NLGN4Y: variants seen among roughly 807,000 people sequenced by gnomAD.
The protein encoded by NLGN4Y is neuroligin-4, Y-linked.
A neutral mutation model predicts 8.4 loss-of-function variants in NLGN4Y; 4 were observed. The observed-to-expected ratio is 0.48, with a 90% CI of 0.23 to 1.09. The LOEUF (loss-of-function observed/expected upper bound fraction) is 1.09, where lower values mean the gene tolerates loss of function less well. Among genes scored for constraint, NLGN4Y ranks in the 50% least tolerant of loss-of-function variants. The probability of loss-of-function intolerance (pLI) is 0.19; values close to 1 mark genes in which losing one functional copy is unlikely to be tolerated. For missense variants in NLGN4Y, 90 were observed against 192.3 expected, an observed-to-expected ratio of 0.47 and a Z score of 3.15; for synonymous variants, 35 against 75.6, an observed-to-expected ratio of 0.46 and a Z score of 2.78.
intron 2 of NLGN4Y, among the ~76,000 whole-genome samples, chrY:14,656,082 C>A (rs2080649975): frequency 3.0e-5 from 1 of 33,296 alleles, no homozygotes; most frequent in Admixed American, 2.7e-4. Flanking sequence ...AAACAACAAC[C>A]CAACCTTGGA....
chrY:14,830,833 A>G (rs1308732530), intron 6 of NLGN4Y, among the ~76,000 whole-genome samples: 1 of 33,364 alleles, frequency 3.0e-5, no homozygotes. Context: ...CACATATATA[A>G]TGGTTTTGTT....
At chrY:14,536,498 C>T (rs2080134868) in intron 1 of NLGN4Y, among the ~76,000 whole-genome samples, 2 of 32,323 alleles carry the variant, frequency 6.2e-5, no homozygotes, top group Admixed American at 2.8e-4. Flanking sequence ...CCGCCTGCCT[C>T]GGCCTCCCAA....
intron 2 of NLGN4Y, among the ~76,000 whole-genome samples, chrY:14,700,335 CTCT>C: frequency 3.0e-5 from 1 of 33,479 alleles, no homozygotes. Flanking sequence ...CTTTGCATTG[CTCT>C]TCTTCTTCTC....
intron 2 of NLGN4Y, among the ~76,000 whole-genome samples, chrY:14,645,757 G>A (rs2080608884): frequency 1.2e-4 from 4 of 33,531 alleles, no homozygotes; most frequent in Admixed American, 1.1e-3. Context: ...TCAATCAAAA[G>A]ATGAATAAAT....
chrY:14,836,206 G>A (rs2043197381), intron 6 of NLGN4Y, among the ~76,000 whole-genome samples: 1 of 33,535 alleles, frequency 3.0e-5, no homozygotes, highest in African/African-American at 1.2e-4. Flanking sequence ...AGAGAACTGA[G>A]TAAGCCCAAA....
chrY:14,648,105 T>C (rs2080617005), intron 2 of NLGN4Y, among the ~76,000 whole-genome samples: 1 of 34,226 alleles, frequency 2.9e-5, no homozygotes, highest in Non-Finnish European at 7.3e-5. Flanking sequence ...AGAGTTTTAA[T>C]AGGAAAAAGT....
intron 1 of NLGN4Y, among the ~76,000 whole-genome samples, chrY:14,527,833 T>C (rs2080098622): frequency 3.0e-5 from 1 of 33,457 alleles, no homozygotes; most frequent in Non-Finnish European, 7.4e-5. Context: ...ACAACCTACA[T>C]TTGGACTTTG....
At chrY:14,588,410 C>T in intron 1 of NLGN4Y, among the ~76,000 whole-genome samples, 1 of 32,874 alleles carries the variant, frequency 3.0e-5, no homozygotes, top group Admixed American at 2.7e-4. Flanking sequence ...GATCTTGTGA[C>T]CTCATAGTTC....
Position 14,625,867 on chromosome Y carries a change from A to C in NLGN4Y, c.472+3276A>C, listed in dbSNP as rs777544655. Among the ~76,000 whole-genome samples, 6 of 33,714 alleles carry C rather than the reference A, an allele frequency of 1.8e-4. No homozygotes were observed. In the South Asian group the frequency reaches 4.0e-3, roughly 22 times the overall value. 90.5% of individuals were successfully genotyped at this position (33,714 alleles called of 37,273 possible). ...GGTTAAAAAGTAACGGAAAAATAAAAGACACATTTTGAAGTAGTTGCTCAC... is the reference window on the plus strand; with the variant it reads ...GGTTAAAAAGTAACGGAAAAATAAACGACACATTTTGAAGTAGTTGCTCAC... On this transcript the variant is annotated intron_variant, in intron 2 of 6. Coordinates refer to ENST00000684976, the MANE Select transcript of NLGN4Y (RefSeq NM_001365588.1).
rs1603504583 is a variant in NLGN4Y at position 14,843,302 on chromosome Y, C to T, written c.*2040C>T. The T allele has an allele frequency of 8.3e-6, 1 of 119,954 alleles. No homozygotes were observed. The highest frequency in any genetic ancestry group is 1.0e-4 in the Admixed American group (1 of 9,549). The allele number at this position is 119,954 out of a possible 400,897, so 29.9% of individuals were successfully genotyped here. A position where few individuals can be genotyped will look rare whatever the true frequency, so the allele number is the denominator to read the frequency against. On this transcript the variant is annotated 3_prime_UTR_variant, in exon 7 of 7. Coordinates refer to ENST00000684976, the MANE Select transcript of NLGN4Y (RefSeq NM_001365588.1). ...TCTGAACTTAGCACACATGAAGCAA[C>T]ATTTCTTTGCTACACAGAGGTGTCT...
At chrY:14,687,086 A>G in intron 2 of NLGN4Y, among the ~76,000 whole-genome samples, 2 of 32,243 alleles carry the variant, frequency 6.2e-5, no homozygotes, top group African/African-American at 1.2e-4. Flanking sequence ...ATGAGCCACC[A>G]TACATGGCCA....
At chrY:14,782,715 A>T (rs2042947405) in intron 4 of NLGN4Y, among the ~76,000 whole-genome samples, 1 of 34,250 alleles carries the variant, frequency 2.9e-5, no homozygotes, top group Admixed American at 2.6e-4. Flanking sequence ...CATTATGGGC[A>T]TGTTTGTTAC....
intron 1 of NLGN4Y, among the ~76,000 whole-genome samples, chrY:14,584,300 A>T (rs2080330054): frequency 3.1e-5 from 1 of 32,465 alleles, no homozygotes; most frequent in Non-Finnish European, 7.5e-5. Context: ...GGTAATTTTT[A>T]AAATCTTTTT....
In NLGN4Y at chrY:14,622,542, T is replaced by A; in HGVS notation, c.423T>A (p.Asp141Glu). The A allele has an allele frequency of 2.5e-6, 1 of 399,128 alleles. No homozygotes were observed. The highest frequency in any genetic ancestry group is 3.5e-6 in the Non-Finnish European group (1 of 283,586). Residue 141 changes from aspartate to glutamate, a missense_variant, in exon 2 of 7, where the codon GAT becomes GAA. Asp to Glu is a conservative substitution (Grantham distance 45). This residue lies in a region of NLGN4Y where 37 missense variants were observed against 38.5 expected (regional missense o/e 0.96). Coordinates refer to ENST00000684976, the MANE Select transcript of NLGN4Y (RefSeq NM_001365588.1). ...ATACTTTGATGACCTATGTTCAAGA[T>A]CAAAATGAAGACTGCCTTTACTTAA... is the stretch of plus-strand genomic sequence containing the variant. ...SLDTLMTYVQ[D>E]QNEDCLYLNI...
chrY:14,807,310 TA>T (rs2043061243), intron 4 of NLGN4Y, among the ~76,000 whole-genome samples: 1 of 32,400 alleles, frequency 3.1e-5, no homozygotes, highest in Non-Finnish European at 7.5e-5. Flanking sequence ...TGATTACAAC[TA>T]ACTTCTAATT....
At chrY:14,715,473 C>T in intron 2 of NLGN4Y, among the ~76,000 whole-genome samples, 1 of 33,014 alleles carries the variant, frequency 3.0e-5, no homozygotes, top group Non-Finnish European at 7.5e-5. Flanking sequence ...TAAAAAAGGA[C>T]GTCCTTTGCA....
intron 4 of NLGN4Y, among the ~76,000 whole-genome samples, chrY:14,816,296 C>T: frequency 2.9e-5 from 1 of 33,950 alleles, no homozygotes; most frequent in Non-Finnish European, 7.3e-5. Context: ...TCCACAGGTA[C>T]TTCTAATGGG....
chrY:14,672,553 A>G, intron 2 of NLGN4Y, among the ~76,000 whole-genome samples: 2 of 30,534 alleles, frequency 6.6e-5, no homozygotes, highest in African/African-American at 2.6e-4. Context: ...GAAAAGAAAA[A>G]AAAAAGCTCA....
At chrY:14,733,385 G>A in intron 4 of NLGN4Y, 1 of 183,355 alleles carries the variant, frequency 5.5e-6, no homozygotes, top group Non-Finnish European at 9.4e-6. Context: ...TATAAAATGA[G>A]AGAACATGGG....
Sources: gnomAD v4.1 joint callset for allele counts (sites outside exome capture counted in the v4.1 genomes callset) on GRCh38, gnomAD v4.1.1 for gene constraint, gnomAD v4.1.1 regional missense constraint, MANE v1.5 for transcripts, NCBI Gene and HGNC (gene_info 2026-07-23, HGNC 2026-07-21) for gene names.